TNFRSF11A: variants seen among roughly 807,000 people sequenced by gnomAD.
TNFRSF11A encodes the protein tumor necrosis factor receptor superfamily member 11A.
In TNFRSF11A, 32 loss-of-function variants were observed where a neutral mutation model predicts 55.7. The ratio of observed to expected loss-of-function variants is 0.57; its 90% CI spans 0.43 to 0.77. The LOEUF is 0.77. Ranked by LOEUF, TNFRSF11A falls within the 30% of genes least tolerant of loss-of-function variation. The pLI, the probability that TNFRSF11A is intolerant of heterozygous loss-of-function variation, is 0.00. For synonymous variants in TNFRSF11A, 311 were observed against 331.0 expected (o/e 0.94, Z 0.65); for missense variants, 753 against 809.8 (o/e 0.93, Z 0.85).
intron 1 of TNFRSF11A, among the ~76,000 whole-genome samples, chr18:62,338,297 AG>A (rs2046263282): frequency 6.6e-6 from 1 of 152,222 alleles, no homozygotes; most frequent in African/African-American, 2.4e-5. Flanking sequence ...AGCTAAACAT[AG>A]AATTAACTTA....
At chr18:62,360,149 C>G (rs1434061468) in intron 6 of TNFRSF11A, 100 bp downstream of exon 6, 2 of 847,716 alleles carry the variant, frequency 2.4e-6, no homozygotes, top group Non-Finnish European at 4.0e-6. Context: ...GGCGTCCTCT[C>G]CCCCTTTATT....
At position 62,385,277 on chromosome 18, in the gene TNFRSF11A, A is replaced by G; in HGVS notation, c.*243A>G. The G allele has an allele frequency of 2.6e-6, 1 of 389,804 alleles. No individual in the cohort carries two copies. The highest frequency in any genetic ancestry group is 6.5e-4 in the Middle Eastern group (1 of 1,538). 24.1% of individuals were successfully genotyped at this position (389,804 alleles called of 1,614,324 possible). A position where few individuals can be genotyped will look rare whatever the true frequency, so the allele number is the denominator to read the frequency against. The stretch of plus-strand genomic sequence containing the variant: ...CACTGGGGCAGATGTCTCCCCTGCC[A>G]CTCCTCAAACTCGCAGCAGTAATTT... On this transcript the variant is annotated 3_prime_UTR_variant, in exon 10 of 10. Transcript: ENST00000586569.
At chr18:62,348,781 G>A (rs2046421889) in intron 2 of TNFRSF11A, among the ~76,000 whole-genome samples, 2 of 152,226 alleles carry the variant, frequency 1.3e-5, no homozygotes, top group African/African-American at 4.8e-5. Context: ...CAGCCCCAGT[G>A]AAAGCCACAG....
Position 62,385,947 on chromosome 18 carries a change from A to C in TNFRSF11A, c.*913A>C, listed in dbSNP as rs1911705944. On this transcript the variant is annotated 3_prime_UTR_variant, in exon 10 of 10. Coordinates refer to ENST00000586569, the MANE Select transcript of TNFRSF11A (RefSeq NM_003839.4). ...ATGTGGTGGGACTTTCATATTCTGAAAAATGTTCTATATTCTCATTTTTCT... is the reference window on the plus strand; with the variant it reads ...ATGTGGTGGGACTTTCATATTCTGACAAATGTTCTATATTCTCATTTTTCT... The C allele has an allele frequency of 6.6e-6, 1 of 152,198 alleles. No homozygotes were observed. Among genetic ancestry groups the C allele is most frequent in the South Asian group, 2.1e-4 (1 of 4,834 alleles). 9.4% of individuals were successfully genotyped at this position (152,198 alleles called of 1,614,324 possible). A position where few individuals can be genotyped will look rare whatever the true frequency, so the allele number is the denominator to read the frequency against.
At chr18:62,337,365 C>A (rs1711636762) in intron 1 of TNFRSF11A, among the ~76,000 whole-genome samples, 1 of 152,196 alleles carries the variant, frequency 6.6e-6, no homozygotes, top group Non-Finnish European at 1.5e-5. Context: ...GTATTTAAAC[C>A]TTTATGGGGT....
rs759879855 is a variant in TNFRSF11A at position 62,354,431 on chromosome 18, C to G, written c.324C>G (p.Thr108=). The change falls in exon 4 of 10, where the codon ACC becomes ACG. Residue 108 remains threonine, a synonymous_variant. Transcript: ENST00000586569. The part of the protein sequence containing the change: ...LVAVVAGNST[T]PRRCACTAGY... Reference sequence around the variant, plus strand: ...CCGTGGTCGCCGGCAACAGCACGACCCCCCGGCGCTGCGCGTGCACGGCTG... The same window carrying G: ...CCGTGGTCGCCGGCAACAGCACGACGCCCCGGCGCTGCGCGTGCACGGCTG... 1 of 1,596,586 alleles carries G rather than the reference C, an allele frequency of 6.3e-7. No homozygotes were observed. The highest frequency in any genetic ancestry group is 1.3e-5 in the African/African-American group (1 of 74,964).
At chr18:62,363,000 C>T (rs1415396606) in intron 7 of TNFRSF11A, among the ~76,000 whole-genome samples, 5 of 151,834 alleles carry the variant, frequency 3.3e-5, no homozygotes, top group East Asian at 1.9e-4. Context: ...TTTGCCACCA[C>T]GCCCAGCTAA....
At chr18:62,368,238 C>A (rs1230564241) in intron 8 of TNFRSF11A, among the ~76,000 whole-genome samples, 1 of 152,194 alleles carries the variant, frequency 6.6e-6, no homozygotes, top group Non-Finnish European at 1.5e-5. Context: ...CTGTATGAAA[C>A]CTGGCTCCTA....
intron 4 of TNFRSF11A, 21 bp from the exon 5 acceptor site, chr18:62,358,227 T>TG (rs1909418425): frequency 4.9e-6 from 4 of 809,992 alleles, no homozygotes; most frequent in Admixed American, 2.5e-5. Context: ...TCTGGGTTGT[T>TG]TTTTTTTTTT....
intron 1 of TNFRSF11A, among the ~76,000 whole-genome samples, chr18:62,340,319 A>G (rs2046293823): frequency 1.3e-5 from 2 of 151,886 alleles, no homozygotes; most frequent in Admixed American, 1.3e-4. Context: ...CCTAGGCTCA[A>G]GCGATCCTCC....
chr18:62,333,135 C>T (rs1215632522), intron 1 of TNFRSF11A, among the ~76,000 whole-genome samples: 1 of 152,058 alleles, frequency 6.6e-6, no homozygotes, highest in Non-Finnish European at 1.5e-5. Context: ...TGACAGGTAC[C>T]GGGGAAGGAT....
At chr18:62,347,192 A>G (rs1409969051) in intron 1 of TNFRSF11A, among the ~76,000 whole-genome samples, 1 of 152,140 alleles carries the variant, frequency 6.6e-6, no homozygotes. Context: ...TCTGTATTCG[A>G]CGACACAGCA....
At chr18:62,329,582 C>A (rs1010054898) in intron 1 of TNFRSF11A, among the ~76,000 whole-genome samples, 1 of 152,166 alleles carries the variant, frequency 6.6e-6, no homozygotes, top group South Asian at 2.1e-4. Flanking sequence ...CCTTTGTGCC[C>A]CAAAACGCTA....
At chr18:62,364,820 A>G (rs979888838) in intron 7 of TNFRSF11A, among the ~76,000 whole-genome samples, 2 of 152,094 alleles carry the variant, frequency 1.3e-5, no homozygotes, top group East Asian at 1.9e-4. Flanking sequence ...GGTGGGCACT[A>G]TTATTTCCCC....
intron 1 of TNFRSF11A, among the ~76,000 whole-genome samples, chr18:62,338,828 A>G (rs2046271364): frequency 6.6e-6 from 1 of 152,218 alleles, no homozygotes; most frequent in South Asian, 2.1e-4. Flanking sequence ...ACAATAAAAA[A>G]TATTAAATGG....
At chr18:62,374,152 A>AAGG (rs2145370514) in intron 9 of TNFRSF11A, 1 of 152,358 alleles carries the variant, frequency 6.6e-6, no homozygotes, top group South Asian at 2.1e-4. Context: ...TCATTGCTGT[A>AAGG]AAACATCAAT....
At chr18:62,380,583 C>A (rs1391322489) in intron 9 of TNFRSF11A, among the ~76,000 whole-genome samples, 3 of 151,344 alleles carry the variant, frequency 2.0e-5, no homozygotes, top group Non-Finnish European at 4.4e-5. Context: ...ACTACAGGCG[C>A]CTGCCACCAC....
At chr18:62,333,935 G>A (rs1247384385) in intron 1 of TNFRSF11A, among the ~76,000 whole-genome samples, 3 of 151,858 alleles carry the variant, frequency 2.0e-5, no homozygotes, top group Non-Finnish European at 2.9e-5. Context: ...TGCCATCTTG[G>A]CTCACTGCAA....
At chr18:62,336,466 G>A (rs970557865) in intron 1 of TNFRSF11A, 2 of 152,268 alleles carry the variant, frequency 1.3e-5, no homozygotes, top group Admixed American at 6.5e-5. Flanking sequence ...CATGGAGGCA[G>A]AGCCTAGAGG....
Sources: allele counts gnomAD v4.1 joint callset (sites outside exome capture counted in the v4.1 genomes callset), GRCh38; gene constraint gnomAD v4.1.1; transcripts MANE v1.5; gene names NCBI Gene and HGNC (gene_info 2026-07-23, HGNC 2026-07-21).